Variants in ESYT2 observed in about 807,000 individuals in gnomAD.
The protein encoded by ESYT2 is extended synaptotagmin-2.
In ESYT2, 54 loss-of-function variants were observed where a neutral mutation model predicts 107.2. The ratio of observed to expected loss-of-function variants is 0.50; its 90% confidence interval spans 0.40 to 0.63. The LOEUF is 0.63. Ranked by LOEUF, ESYT2 falls within the 30% of genes least tolerant of loss-of-function variation. The pLI, the probability that ESYT2 is intolerant of heterozygous loss-of-function variation, is 0.00. For missense variants in ESYT2, 1,020 were observed against 1,094.5 expected (o/e 0.93, Z 0.96); for synonymous variants, 491 against 434.1 (o/e 1.13, Z -1.63).
intron 19 of ESYT2, 67 bp from the exon 20 acceptor site, chr7:158,737,246 G>C: frequency 1.3e-6 from 2 of 1,538,034 alleles, no homozygotes; most frequent in African/African-American, 1.4e-5. Flanking sequence ...AGCACATTCA[G>C]ATATGCTTTA....
chr7:158,777,064 T>C (rs779391502), intron 6 of ESYT2, among the ~76,000 whole-genome samples: 1 of 151,996 alleles, frequency 6.6e-6, no homozygotes, highest in Non-Finnish European at 1.5e-5. Flanking sequence ...GTTTTCACTA[T>C]GTTGACCACG....
At position 158,737,129 on chromosome 7, in the gene ESYT2, T is replaced by C; in HGVS notation, c.2318A>G (p.Tyr773Cys). Residue 773 changes from tyrosine to cysteine, a missense_variant, in exon 20 of 23, where the codon TAT becomes TGT. Transcript: ENST00000275418. Reference sequence around the variant, plus strand: ...TGACCGCCTCTTGTCTGGTAATAAATACATGCGGACATAGGGGTCAGAGCC... The same window carrying C: ...TGACCGCCTCTTGTCTGGTAATAAACACATGCGGACATAGGGGTCAGAGCC... Reference protein sequence around the residue: ...EDGSDPYVRMYLLPDKRRSGR... With the variant: ...EDGSDPYVRMCLLPDKRRSGR... 1 of 1,613,988 alleles carries C rather than the reference T, an allele frequency of 6.2e-7. No individual in the cohort carries two copies. Among genetic ancestry groups the C allele is most frequent in the Non-Finnish European group, 8.5e-7 (1 of 1,179,922 alleles).
rs556713824 is a variant in ESYT2, at chr7:158,765,937, C to T, written c.925-1084G>A. Among the ~76,000 whole-genome samples, 11 of 152,154 alleles carry T rather than the reference C, an allele frequency of 7.2e-5. 1 individual carries two copies. Among genetic ancestry groups the T allele is most frequent in the African/African-American group, 2.6e-4 (11 of 41,526 alleles). On this transcript the variant is annotated intron_variant, in intron 8 of 22. Coordinates refer to ENST00000275418, the MANE Select transcript of ESYT2 (RefSeq NM_001367773.1). Reference sequence around the variant, plus strand: ...AGTGATGGCCAGGTGCGGTGACTCACGCCTCTAATACCAGCACTTTGGGAG... The same window carrying T: ...AGTGATGGCCAGGTGCGGTGACTCATGCCTCTAATACCAGCACTTTGGGAG...
chr7:158,748,760 G>A (rs901798106), intron 15 of ESYT2, among the ~76,000 whole-genome samples: 14 of 148,528 alleles, frequency 9.4e-5, no homozygotes, highest in African/African-American at 3.2e-4. Context: ...TTGCTCTGTC[G>A]CCAGGCTGGA....
At chr7:158,739,149 G>C (rs779004651) in intron 18 of ESYT2, 28 bp from the exon 19 acceptor site, 1 of 1,598,404 alleles carries the variant, frequency 6.3e-7, no homozygotes, top group East Asian at 2.2e-5. Flanking sequence ...AAAGTCACCA[G>C]CTTGCCTGAG....
intron 13 of ESYT2, among the ~76,000 whole-genome samples, chr7:158,757,097 G>A (rs1837784425): frequency 6.6e-6 from 1 of 151,930 alleles, no homozygotes; most frequent in Non-Finnish European, 1.5e-5. Flanking sequence ...GAGGAATGGA[G>A]GACCACTTCT....
At chr7:158,743,863 A>G in intron 16 of ESYT2, 185 bp from the exon 17 acceptor site, 1 of 557,148 alleles carries the variant, frequency 1.8e-6, no homozygotes. Context: ...ACCTGAGGCC[A>G]GGGGTTCGAG....
Position 158,738,338 on chromosome 7 carries a change from C to T in ESYT2, c.2267+685G>A, listed in dbSNP as rs1435458575. 6.4e-4 allele frequency among the ~76,000 whole-genome samples: 33 copies of T among 51,412 alleles called. 2 individuals carry two copies. Among genetic ancestry groups the T allele is most frequent in the East Asian group, 5.1e-3 (13 of 2,534 alleles). 33.7% of individuals were successfully genotyped at this position (51,412 alleles called of 152,430 possible). A position where few individuals can be genotyped will look rare whatever the true frequency, so the allele number is the denominator to read the frequency against. On this transcript the variant is annotated intron_variant, in intron 19 of 22. Coordinates refer to ENST00000275418, the MANE Select transcript of ESYT2 (RefSeq NM_001367773.1). ...AAAAAAAAAAAAAAATACACACACA[C>T]ACACAGACACACACACACACACACA...
At chr7:158,786,243 G>C (rs1029890046) in intron 6 of ESYT2, among the ~76,000 whole-genome samples, 2 of 152,158 alleles carry the variant, frequency 1.3e-5, no homozygotes, top group African/African-American at 4.8e-5. Context: ...TAAAGATTTG[G>C]ATTTCGTTAC....
chr7:158,765,200 A>T (rs1381823620), intron 8 of ESYT2, among the ~76,000 whole-genome samples: 2 of 152,044 alleles, frequency 1.3e-5, no homozygotes, highest in African/African-American at 4.8e-5. Context: ...AATGCAGAGG[A>T]CCCAGCACAG....
intron 1 of ESYT2, among the ~76,000 whole-genome samples, chr7:158,807,247 T>C (rs1365211138): frequency 1.1e-5 from 1 of 93,274 alleles, no homozygotes; most frequent in Admixed American, 1.2e-4. Flanking sequence ...CAAGACTCCG[T>C]CTGAAGGAAA....
At chr7:158,807,553 T>A (rs191198603) in intron 1 of ESYT2, among the ~76,000 whole-genome samples, 2 of 152,344 alleles carry the variant, frequency 1.3e-5, no homozygotes, top group Admixed American at 1.3e-4. Flanking sequence ...TAGTACTTTT[T>A]TCCTGAATAT....
intron 2 of ESYT2, among the ~76,000 whole-genome samples, chr7:158,798,583 T>C (rs1387672571): frequency 2.2e-5 from 3 of 134,482 alleles, no homozygotes; most frequent in East Asian, 2.2e-4. Context: ...GAGGTGGAGG[T>C]TGTGGTGAAC....
chr7:158,777,559 T>A (rs1053316807), intron 6 of ESYT2, among the ~76,000 whole-genome samples: 34 of 152,218 alleles, frequency 2.2e-4, no homozygotes, highest in African/African-American at 8.2e-4. Flanking sequence ...TGCCATCATG[T>A]AAGATGTGCC....
At chr7:158,749,790 T>C in intron 14 of ESYT2, 67 bp from the exon 15 acceptor site, 1 of 1,423,852 alleles carries the variant, frequency 7.0e-7, no homozygotes, top group South Asian at 1.2e-5. Context: ...TAACTAAAAA[T>C]GAAATTACTG....
chr7:158,772,972 C>T (rs952102387), intron 7 of ESYT2, among the ~76,000 whole-genome samples: 7 of 150,882 alleles, frequency 4.6e-5, no homozygotes, highest in Admixed American at 2.6e-4. Context: ...TTTAAAGTTT[C>T]CTTTATTGTT....
At chr7:158,788,147 C>T (rs1839171595) in intron 5 of ESYT2, 54 bp from the exon 6 acceptor site, 1 of 1,474,028 alleles carries the variant, frequency 6.8e-7, no homozygotes, top group Admixed American at 1.7e-5. Flanking sequence ...TGCAGGGCCG[C>T]TTAACGCAAG....
intron 9 of ESYT2, 98 bp downstream of exon 9, chr7:158,764,579 A>T (rs779675702): frequency 3.5e-5 from 43 of 1,242,606 alleles, no homozygotes; most frequent in Non-Finnish European, 4.7e-5. Context: ...GGCCTAAATG[A>T]GCCACACTCC....
chr7:158,738,362 C>T (rs1175301147), intron 19 of ESYT2, among the ~76,000 whole-genome samples: 75 of 150,512 alleles, frequency 5.0e-4, no homozygotes, highest in Middle Eastern at 3.4e-3. Context: ...CACACACACA[C>T]ACACACACAC....
Sources: gnomAD v4.1 joint callset for allele counts (sites outside exome capture counted in the v4.1 genomes callset) on GRCh38, gnomAD v4.1.1 for gene constraint, MANE v1.5 for transcripts, NCBI Gene and HGNC (gene_info 2026-07-23, HGNC 2026-07-21) for gene names.